FGFR2: variants seen among roughly 807,000 people sequenced by gnomAD.
The protein encoded by FGFR2 is fibroblast growth factor receptor 2, also known as BEK fibroblast growth factor receptor.
Under a neutral mutation model 95.9 loss-of-function variants are expected in FGFR2, and 19 were observed. The ratio of observed to expected loss-of-function variants is 0.20; its 90% CI spans 0.14 to 0.29. The LOEUF (loss-of-function observed/expected upper bound fraction) is 0.29. Among genes scored for constraint, FGFR2 ranks in the 10% least tolerant of loss-of-function variants. The pLI is 1.00. For missense variants in FGFR2, 707 were observed against 1,056.9 expected (o/e 0.67, Z 4.59); for synonymous variants, 392 against 393.3 (o/e 1.00, Z 0.04).
intron 1 of FGFR2, chr10:121,596,456 T>A (rs1200961805): frequency 1.0e-5 from 2 of 191,894 alleles, no homozygotes; most frequent in African/African-American, 4.7e-5. Context: ...TGTCCACTGC[T>A]GGCTCGGCCA....
At chr10:121,582,230 C>T (rs1861055262) in intron 2 of FGFR2, among the ~76,000 whole-genome samples, 2 of 152,248 alleles carry the variant, frequency 1.3e-5, no homozygotes, top group Admixed American at 1.3e-4. Context: ...GCACCCAGTC[C>T]TAGCCCTTCA....
At chr10:121,487,898 C>G (rs2133831304) in intron 14 of FGFR2, 93 bp downstream of exon 14, 2 of 1,528,382 alleles carry the variant, frequency 1.3e-6, no homozygotes, top group Admixed American at 3.3e-5. Context: ...CCCCAGCCAT[C>G]CCACCCAGCT....
At chr10:121,520,731 CT>C (rs1850421811) in intron 6 of FGFR2, among the ~76,000 whole-genome samples, 1 of 152,194 alleles carries the variant, frequency 6.6e-6, no homozygotes, top group Non-Finnish European at 1.5e-5. Context: ...CAGCCTCAGC[CT>C]CCCAGGCTCA....
Position 121,541,538 on chromosome 10 carries a change from C to T in FGFR2, c.625-2823G>A, listed in dbSNP as rs148962531. Among the ~76,000 whole-genome samples the T allele has an allele frequency of 1.4e-3, 208 of 152,214 alleles. 1 individual carries two copies. Among genetic ancestry groups the T allele is most frequent in the African/African-American group, 4.6e-3 (189 of 41,528 alleles). On this transcript the variant is annotated intron_variant, in intron 5 of 17. Coordinates refer to ENST00000358487, the MANE Select transcript of FGFR2 (RefSeq NM_000141.5). ...CTCTTCCGACGTAATATATACAACG[C>T]GTGTTTCTAAATTCCTCAGATTTTC...
chr10:121,590,198 G>A (rs1862434004), intron 2 of FGFR2, among the ~76,000 whole-genome samples: 1 of 152,086 alleles, frequency 6.6e-6, no homozygotes, highest in African/African-American at 2.4e-5. Flanking sequence ...CTCTGTGGAG[G>A]GTGGGAAAGT....
intron 6 of FGFR2, among the ~76,000 whole-genome samples, chr10:121,532,011 A>G (rs1564939166): frequency 1.3e-5 from 2 of 152,210 alleles, no homozygotes; most frequent in Non-Finnish European, 2.9e-5. Flanking sequence ...CCTTCTCAAC[A>G]GAGGGGCTTT....
chr10:121,577,574 T>C (rs1188822280), intron 2 of FGFR2, among the ~76,000 whole-genome samples: 1 of 152,136 alleles, frequency 6.6e-6, no homozygotes, highest in Admixed American at 6.5e-5. Flanking sequence ...TGTGTTCTTA[T>C]GGACAGGAAC....
At chr10:121,578,577 G>A (rs936606952) in intron 2 of FGFR2, among the ~76,000 whole-genome samples, 5 of 152,240 alleles carry the variant, frequency 3.3e-5, no homozygotes, top group African/African-American at 1.2e-4. Flanking sequence ...GTAAAACCAC[G>A]TGGTCAGTTT....
chr10:121,514,560 T>C (rs1234112839), intron 9 of FGFR2, among the ~76,000 whole-genome samples: 1 of 152,196 alleles, frequency 6.6e-6, no homozygotes, highest in African/African-American at 2.4e-5. Context: ...TACAATTCTA[T>C]TGTAAATTGC....
chr10:121,482,489 T>A (rs1844885951), intron 17 of FGFR2, among the ~76,000 whole-genome samples: 1 of 152,242 alleles, frequency 6.6e-6, no homozygotes. Flanking sequence ...TGTATTATTT[T>A]CCTTCTAAAA....
rs1180653590 is a variant in FGFR2 at position 121,517,300 on chromosome 10, G to C, written c.1084+19C>G. On this transcript the variant is annotated intron_variant, in intron 8 of 17. Transcript: ENST00000358487. The surrounding 1 kb of genome is among the most constrained non-coding windows in gnomAD (Gnocchi z 4.7). ...CCAAGAAAAGGGAAAAAAACCCAGA[G>C]AGAAAGAACAGTATATACCTGGCAG... The C allele has an allele frequency of 6.2e-7, 1 of 1,614,028 alleles. No homozygotes were observed. Among genetic ancestry groups the C allele is most frequent in the South Asian group, 1.1e-5 (1 of 91,076 alleles).
At chr10:121,524,381 A>C (rs536949337) in intron 6 of FGFR2, among the ~76,000 whole-genome samples, 10 of 152,206 alleles carry the variant, frequency 6.6e-5, no homozygotes, top group African/African-American at 1.4e-4. Flanking sequence ...AGCTGCCTTC[A>C]GTATAAAATG....
rs531396729 is a variant in FGFR2, at chr10:121,533,187, G to A, written c.748+5405C>T. ...GCGGATCACTCCAGGCCAGGTGTTC[G>A]AGACCAGCCTGGCCAACATGGTGAA... On this transcript the variant is annotated intron_variant, in intron 6 of 17. Coordinates refer to ENST00000358487, the MANE Select transcript of FGFR2 (RefSeq NM_000141.5). 3.2e-3 allele frequency among the ~76,000 whole-genome samples: 494 copies of A among 152,288 alleles called. 2 individuals are homozygous for A. Among genetic ancestry groups the A allele is most frequent in the Admixed American group, 8.4e-3 (128 of 15,302 alleles).
intron 1 of FGFR2, 127 bp from the exon 2 acceptor site, chr10:121,594,094 A>G (rs1863090379): frequency 3.6e-6 from 2 of 550,732 alleles, no homozygotes; most frequent in Middle Eastern, 5.0e-4. Flanking sequence ...ATTATCTGCT[A>G]AATCCTTCCA....
Position 121,532,718 on chromosome 10 carries a change from A to G in FGFR2, c.748+5874T>C, listed in dbSNP as rs146925556. Reference sequence around the variant, plus strand: ...GCCATTCCTCCTTCTTCCACTGGGGATGGGCTGCCAAAAGCTCCCAAAACT... The same window carrying G: ...GCCATTCCTCCTTCTTCCACTGGGGGTGGGCTGCCAAAAGCTCCCAAAACT... On this transcript the variant is annotated intron_variant, in intron 6 of 17. Transcript: ENST00000358487. 4.6e-5 allele frequency among the ~76,000 whole-genome samples: 7 copies of G among 152,184 alleles called. 1 individual carries two copies. The East Asian group carries it at 1.4e-3, about 29-fold the overall frequency.
At chr10:121,551,518 A>C in intron 4 of FGFR2, 59 bp from the exon 5 acceptor site, 1 of 1,474,766 alleles carries the variant, frequency 6.8e-7, no homozygotes, top group Non-Finnish European at 9.5e-7. Context: ...TCCATGAGTA[A>C]ACTCCAAACA....
intron 9 of FGFR2, among the ~76,000 whole-genome samples, chr10:121,509,465 T>C (rs1238383185): frequency 7.0e-6 from 1 of 141,898 alleles, no homozygotes; most frequent in Admixed American, 7.2e-5. Context: ...CAAGAAACAG[T>C]GTTATCTGTT....
intron 11 of FGFR2, among the ~76,000 whole-genome samples, chr10:121,499,418 T>TA (rs1847293647): frequency 6.6e-6 from 1 of 152,108 alleles, no homozygotes; most frequent in Non-Finnish European, 1.5e-5. Context: ...GGAAGATCAA[T>TA]ACAAGTGACT....
chr10:121,536,185 A>G (rs572743818), intron 6 of FGFR2, among the ~76,000 whole-genome samples: 2 of 152,322 alleles, frequency 1.3e-5, no homozygotes, highest in African/African-American at 2.4e-5. Flanking sequence ...CCAACCCTGT[A>G]CGTCTATATG....
Sources: allele counts gnomAD v4.1 joint callset (sites outside exome capture counted in the v4.1 genomes callset), GRCh38; gene constraint gnomAD v4.1.1; non-coding constraint Gnocchi (gnomAD v3.1); transcripts MANE v1.5; gene names NCBI Gene and HGNC (gene_info 2026-07-23, HGNC 2026-07-21).